Variants in FAM72B observed in about 807,000 individuals in gnomAD.
The protein encoded by FAM72B is RUMY family member 2, also known as protein FAM72B.
Under a neutral mutation model 12.6 loss-of-function variants are expected in FAM72B, and 4 were observed. The ratio of observed to expected loss-of-function variants is 0.32; its 90% CI spans 0.16 to 0.73. FAM72B has a LOEUF of 0.73. Among genes scored for constraint, FAM72B ranks in the 30% least tolerant of loss-of-function variants. FAM72B has a pLI of 0.67. For synonymous variants in FAM72B, 13 were observed against 53.9 expected, an observed-to-expected ratio of 0.24 and a Z score of 3.32; for missense variants, 61 against 158.4, an observed-to-expected ratio of 0.39 and a Z score of 3.30.
chr1:121,178,700 G>C (rs587721139), intron 2 of FAM72B, among the ~76,000 whole-genome samples: 1 of 151,874 alleles, frequency 6.6e-6, no homozygotes, highest in Admixed American at 6.6e-5. Context: ...GAATACACTG[G>C]TAAACAAAAC....
rs587665254 is a variant in FAM72B at position 121,173,110 on chromosome 1, C to T, written c.355+4098G>A. On this transcript the variant is annotated intron_variant, in intron 3 of 3. Transcript: ENST00000369390. ...AAAAAAAAGAATTAGTATTTCAGTG[C>T]CTCAGCACCTTAACACAAGGAAAAA... 1.9e-4 allele frequency among the ~76,000 whole-genome samples: 28 copies of T among 150,256 alleles called. 1 individual carries two copies. In the South Asian group the frequency reaches 5.2e-3, roughly 28 times the overall value.
intron 2 of FAM72B, among the ~76,000 whole-genome samples, chr1:121,177,600 C>T (rs1442713124): frequency 1.4e-5 from 2 of 142,764 alleles, no homozygotes; most frequent in Non-Finnish European, 3.0e-5. Flanking sequence ...CTGAGTTTTG[C>T]TCTTGTCACC....
chr1:121,178,652 A>G (rs587677941), intron 2 of FAM72B, among the ~76,000 whole-genome samples: 11 of 150,516 alleles, frequency 7.3e-5, no homozygotes, highest in African/African-American at 2.7e-4. Flanking sequence ...ACATTTATTG[A>G]GTATCTGCTA....
At chr1:121,173,039 T>G (rs1402015769) in intron 3 of FAM72B, among the ~76,000 whole-genome samples, 1 of 138,416 alleles carries the variant, frequency 7.2e-6, no homozygotes, top group Non-Finnish European at 1.6e-5. Context: ...ATGACACCAT[T>G]GCACATCAGC....
intron 2 of FAM72B, among the ~76,000 whole-genome samples, chr1:121,180,628 G>A (rs1485521559): frequency 6.6e-6 from 1 of 151,654 alleles, no homozygotes; most frequent in Non-Finnish European, 1.5e-5. Flanking sequence ...GGGAAGCTGA[G>A]GAGAGAGGAT....
intron 2 of FAM72B, among the ~76,000 whole-genome samples, chr1:121,179,926 C>A (rs1467303601): frequency 7.4e-6 from 1 of 134,570 alleles, no homozygotes; most frequent in Non-Finnish European, 1.5e-5. Context: ...ACAATGACTA[C>A]CACATACTAG....
chr1:121,180,983 T>C (rs1654321577), intron 2 of FAM72B, among the ~76,000 whole-genome samples: 1 of 152,210 alleles, frequency 6.6e-6, no homozygotes, highest in Non-Finnish European at 1.5e-5. Context: ...TCAAACATGG[T>C]TTTTATTATT....
chr1:121,179,440 T>C (rs1347787086), intron 2 of FAM72B, among the ~76,000 whole-genome samples: 2 of 148,316 alleles, frequency 1.3e-5, no homozygotes, highest in Non-Finnish European at 3.0e-5. Context: ...ATCTCACACT[T>C]TGGGAGGCCG....
chr1:121,176,743 A>G (rs1269253869), intron 3 of FAM72B, among the ~76,000 whole-genome samples: 2 of 151,490 alleles, frequency 1.3e-5, no homozygotes, highest in East Asian at 1.9e-4. Flanking sequence ...ACGTATTAAC[A>G]TAGATGTCGA....
chr1:121,174,392 A>T (rs1570680473), intron 3 of FAM72B, among the ~76,000 whole-genome samples: 1 of 131,406 alleles, frequency 7.6e-6, no homozygotes. Context: ...TTTGAGATGG[A>T]GTTTCACTTT....
chr1:121,180,717 GGCCTGGTGGTGCCT>G (rs1242010513), intron 2 of FAM72B, among the ~76,000 whole-genome samples: 1 of 151,532 alleles, frequency 6.6e-6, no homozygotes, highest in East Asian at 2.0e-4. Flanking sequence ...AACTTAGCCA[GGCCTGGTGGTGCCT>G]GCCTGTAGTC....
intron 2 of FAM72B, among the ~76,000 whole-genome samples, chr1:121,179,620 G>C (rs1465740422): frequency 6.6e-6 from 1 of 152,014 alleles, no homozygotes; most frequent in Non-Finnish European, 1.5e-5. Flanking sequence ...CTGAGCTCAG[G>C]AGTTTGAGAG....
At chr1:121,182,634 AT>A (rs1308608183) in intron 1 of FAM72B, among the ~76,000 whole-genome samples, 1 of 152,100 alleles carries the variant, frequency 6.6e-6, no homozygotes, top group Non-Finnish European at 1.5e-5. Context: ...GTAAAATAAA[AT>A]GGCTATTTTA....
At chr1:121,180,109 C>T (rs1269097465) in intron 2 of FAM72B, among the ~76,000 whole-genome samples, 129 of 88,332 alleles carry the variant, frequency 1.5e-3, no homozygotes, top group African/African-American at 7.1e-3. Context: ...AAAATAATAA[C>T]ACGTCTACTT....
chr1:121,169,579 GCCT>G (rs1654046606), intron 3 of FAM72B, among the ~76,000 whole-genome samples: 1 of 152,100 alleles, frequency 6.6e-6, no homozygotes. Flanking sequence ...TCCTGAATAA[GCCT>G]CCTCATCCCT....
chr1:121,183,077 C>T (rs1654368287), intron 1 of FAM72B: 1 of 94,978 alleles, frequency 1.1e-5, no homozygotes, highest in South Asian at 7.8e-5. Context: ...GGGCACTGAA[C>T]CAGGGATCAA....
chr1:121,172,319 C>A (rs1654107419), intron 3 of FAM72B, among the ~76,000 whole-genome samples: 1 of 107,968 alleles, frequency 9.3e-6, no homozygotes, highest in Non-Finnish European at 1.8e-5. Context: ...GGTGACAGAG[C>A]AAGACCCTGT....
intron 3 of FAM72B, among the ~76,000 whole-genome samples, chr1:121,170,223 C>T (rs1343633328): frequency 4.8e-5 from 7 of 144,726 alleles, no homozygotes; most frequent in Admixed American, 1.4e-4. Flanking sequence ...CCCCTCGCCT[C>T]GGCCTCCCAA....
intron 1 of FAM72B, among the ~76,000 whole-genome samples, chr1:121,182,141 C>T (rs1654345378): frequency 6.6e-6 from 1 of 152,098 alleles, no homozygotes; most frequent in Admixed American, 6.6e-5. Context: ...ACAGTAGGTT[C>T]TATGATTTAT....
Sources: gnomAD v4.1 joint callset for allele counts (sites outside exome capture counted in the v4.1 genomes callset) on GRCh38, gnomAD v4.1.1 for gene constraint, MANE v1.5 for transcripts, NCBI Gene and HGNC (gene_info 2026-07-23, HGNC 2026-07-21) for gene names.